Variants in AGMO observed in about 807,000 individuals in gnomAD.
AGMO encodes alkylglycerol monooxygenase, also known as glyceryl-ether monooxygenase.
In AGMO, 75 loss-of-function variants were observed where a neutral mutation model predicts 60.2. The observed-to-expected ratio is 1.25, with a 90% CI of 1.03 to 1.51. The LOEUF (loss-of-function observed/expected upper bound fraction) is 1.51. Among genes scored for constraint, AGMO ranks in the 40% most tolerant of loss-of-function variants. AGMO has a pLI of 0.00. For missense variants in AGMO, 763 were observed against 525.5 expected (o/e 1.45, Z -4.42); for synonymous variants, 261 against 177.1 (o/e 1.47, Z -3.76).
chr7:15,152,841 T>C, the AGMO span, among the ~76,000 whole-genome samples: 1 of 152,302 alleles, frequency 6.6e-6, no homozygotes, highest in South Asian at 2.1e-4. Context: ...ATGACTTCTT[T>C]TTCTCTAGGT....
At chr7:15,360,809 A>T (rs1782721651) in intron 12 of AGMO, among the ~76,000 whole-genome samples, 1 of 152,208 alleles carries the variant, frequency 6.6e-6, no homozygotes, top group Non-Finnish European at 1.5e-5. Flanking sequence ...GATATGGTCA[A>T]TTCTTAAGGC....
chr7:15,260,693 C>G lies in AGMO; in HGVS notation c.1264-59334G>C, dbSNP rs1300308069. Among the ~76,000 whole-genome samples, 34 of 152,000 alleles carry G rather than the reference C, an allele frequency of 2.2e-4. 1 individual carries two copies. Among genetic ancestry groups the G allele is most frequent in the Admixed American group, 2.2e-3 (34 of 15,242 alleles). On this transcript the variant is annotated intron_variant, in intron 12 of 12. Transcript: ENST00000342526. ...TTGAGATATTTACAGAACATTCTAC[C>G]CAACAACTGAAGAATACACATTCTA...
chr7:15,363,745 C>A (rs1293609217), intron 12 of AGMO, among the ~76,000 whole-genome samples: 1 of 152,040 alleles, frequency 6.6e-6, no homozygotes, highest in African/African-American at 2.4e-5. Context: ...GCAAACATTC[C>A]CACATATTTA....
At chr7:15,265,637 CAGAA>C (rs1166469920) in intron 12 of AGMO, among the ~76,000 whole-genome samples, 4 of 151,736 alleles carry the variant, frequency 2.6e-5, no homozygotes, top group Non-Finnish European at 2.9e-5. Context: ...ATTTCAAAAA[CAGAA>C]AGTAACAAGC....
chr7:15,295,510 G>C (rs935021275), intron 12 of AGMO, among the ~76,000 whole-genome samples: 4 of 152,058 alleles, frequency 2.6e-5, no homozygotes, highest in Non-Finnish European at 5.9e-5. Context: ...GTGATAGTGG[G>C]AGGAGGCAGA....
At chr7:15,374,452 A>G (rs1783363874) in intron 10 of AGMO, among the ~76,000 whole-genome samples, 1 of 152,150 alleles carries the variant, frequency 6.6e-6, no homozygotes, top group Non-Finnish European at 1.5e-5. Context: ...TGTAAGAAAT[A>G]AAAGCCAAAG....
rs533400729 is a variant in AGMO at position 15,364,890 on chromosome 7, T to C, written c.1263+624A>G. On this transcript the variant is annotated intron_variant, in intron 12 of 12. Transcript: ENST00000342526. ...CAAAGTTAAACAATATAACCCTGAA[T>C]TGCAAACATAATACACTCTCTATTA... 3.3e-5 allele frequency among the ~76,000 whole-genome samples: 5 copies of C among 152,152 alleles called. No individual in the cohort carries two copies. The South Asian group carries it at 6.2e-4, about 19-fold the overall frequency.
intron 3 of AGMO, among the ~76,000 whole-genome samples, chr7:15,479,720 G>A (rs1782698662): frequency 6.6e-6 from 1 of 152,164 alleles, no homozygotes; most frequent in Non-Finnish European, 1.5e-5. Flanking sequence ...CCTGCCTTGT[G>A]CCAGGGTTGT....
At chr7:15,281,199 G>A (rs1783955504) in intron 12 of AGMO, among the ~76,000 whole-genome samples, 1 of 152,062 alleles carries the variant, frequency 6.6e-6, no homozygotes, top group South Asian at 2.1e-4. Flanking sequence ...GCAGTGCTAG[G>A]CTCAGCAAGG....
At chr7:15,163,978 G>A in the AGMO span, among the ~76,000 whole-genome samples, 1 of 151,824 alleles carries the variant, frequency 6.6e-6, no homozygotes, top group Non-Finnish European at 1.5e-5. Context: ...TATTGTTGTT[G>A]GGAGATTTCT....
rs564080851 is a variant in AGMO at position 15,495,114 on chromosome 7, A to G, written c.409+49658T>C. Reference sequence around the variant, plus strand: ...AATAACACATAATTTAATGTGTTATATGTAATAATATAAACCCCCATCATG... The same window carrying G: ...AATAACACATAATTTAATGTGTTATGTGTAATAATATAAACCCCCATCATG... On this transcript the variant is annotated intron_variant, in intron 3 of 12. Coordinates refer to ENST00000342526, the MANE Select transcript of AGMO (RefSeq NM_001004320.2). Among the ~76,000 whole-genome samples, 11 of 152,348 alleles carry G rather than the reference A, an allele frequency of 7.2e-5. No homozygotes were observed. In the South Asian group the frequency reaches 2.3e-3, roughly 32 times the overall value.
At position 15,544,278 on chromosome 7, in the gene AGMO, C is replaced by A. The variant is rs548205069; in HGVS notation, c.409+494G>T. Among the ~76,000 whole-genome samples the A allele has an allele frequency of 5.9e-5, 9 of 151,926 alleles. No individual in the cohort carries two copies. The South Asian group carries it at 1.7e-3, about 28-fold the overall frequency. On this transcript the variant is annotated intron_variant, in intron 3 of 12. Transcript: ENST00000342526. The stretch of plus-strand genomic sequence containing the variant: ...CACAATGGGTACAGGGTACAATGCT[C>A]GGGTGATAGGTGCACCACAGTCTCG...
At chr7:15,279,255 C>G (rs1383497134) in intron 12 of AGMO, among the ~76,000 whole-genome samples, 1 of 152,184 alleles carries the variant, frequency 6.6e-6, no homozygotes, top group East Asian at 1.9e-4. Context: ...GGTCCTCTCT[C>G]AGCTGTGCAC....
At chr7:15,357,585 T>C (rs987347570) in intron 12 of AGMO, among the ~76,000 whole-genome samples, 5 of 152,200 alleles carry the variant, frequency 3.3e-5, no homozygotes, top group Non-Finnish European at 7.3e-5. Context: ...CAGAAATATA[T>C]AGAGTCTCTG....
At chr7:15,178,719 C>T in the AGMO span, among the ~76,000 whole-genome samples, 1 of 152,062 alleles carries the variant, frequency 6.6e-6, no homozygotes, top group African/African-American at 2.4e-5. Flanking sequence ...GTAGTAAATA[C>T]CAGAAGGAAG....
chr7:15,340,934 G>A (rs992008395), intron 12 of AGMO, among the ~76,000 whole-genome samples: 5 of 152,104 alleles, frequency 3.3e-5, no homozygotes, highest in African/African-American at 1.2e-4. Flanking sequence ...CCATATGCCT[G>A]AAAAAGCCAC....
At chr7:15,196,619 G>A (rs1234204682), downstream of AGMO, among the ~76,000 whole-genome samples, 1 of 152,126 alleles carries the variant, frequency 6.6e-6, no homozygotes, top group Admixed American at 6.5e-5. Context: ...AGAACCTTTG[G>A]CACGTCCTCA....
intron 3 of AGMO, among the ~76,000 whole-genome samples, chr7:15,503,358 T>C (rs150615668): frequency 6.6e-6 from 1 of 152,176 alleles, no homozygotes; most frequent in Non-Finnish European, 1.5e-5. Flanking sequence ...TAAATTATCC[T>C]TAAAAGATGA....
At chr7:15,124,367 G>C in the AGMO span, among the ~76,000 whole-genome samples, 1 of 151,720 alleles carries the variant, frequency 6.6e-6, no homozygotes, top group Admixed American at 6.6e-5. Context: ...TTTTTCCATA[G>C]TCAGTTTGGA....
Sources: gnomAD v4.1 joint callset for allele counts (sites outside exome capture counted in the v4.1 genomes callset) on GRCh38, gnomAD v4.1.1 for gene constraint, MANE v1.5 for transcripts, NCBI Gene and HGNC (gene_info 2026-07-23, HGNC 2026-07-21) for gene names.